Variants in AGBL1 observed in about 807,000 individuals in gnomAD.
AGBL1 encodes the protein AGBL carboxypeptidase 1, also known as cytosolic carboxypeptidase 4.
In AGBL1, 130 loss-of-function variants were observed where a neutral mutation model predicts 118.9. The ratio of observed to expected loss-of-function variants is 1.09; its 90% CI spans 0.95 to 1.26. The LOEUF is 1.26. Among genes scored for constraint, AGBL1 ranks in the 50% most tolerant of loss-of-function variants. AGBL1 has a pLI of 0.00. For synonymous variants in AGBL1, 555 were observed against 478.9 expected, an observed-to-expected ratio of 1.16 and a Z score of -2.08; for missense variants, 1,584 against 1,298.1, an observed-to-expected ratio of 1.22 and a Z score of -3.38.
intron 18 of AGBL1, among the ~76,000 whole-genome samples, chr15:86,481,913 T>C (rs1016161095): frequency 2.0e-5 from 3 of 152,142 alleles, no homozygotes; most frequent in African/African-American, 7.2e-5. Flanking sequence ...TCATTTAATA[T>C]AGCTGAGAAG....
chr15:87,009,521 A>G (rs1249371624), intron 24 of AGBL1, among the ~76,000 whole-genome samples: 1 of 152,226 alleles, frequency 6.6e-6, no homozygotes, highest in Non-Finnish European at 1.5e-5. Flanking sequence ...GCCCCCACAC[A>G]GAGTCCCCAC....
intron 21 of AGBL1, among the ~76,000 whole-genome samples, chr15:86,642,759 C>T (rs749925980): frequency 6.6e-6 from 1 of 152,068 alleles, no homozygotes; most frequent in Non-Finnish European, 1.5e-5. Context: ...TCTATGTTCG[C>T]AATTTCATTT....
At position 86,717,048 on chromosome 15, in the gene AGBL1, T is replaced by A. The variant is rs2086649262; in HGVS notation, c.3158+42612T>A. Among the ~76,000 whole-genome samples the A allele has an allele frequency of 2.6e-5, 4 of 152,242 alleles. No individual in the cohort carries two copies. In the South Asian group the frequency reaches 8.3e-4, roughly 32 times the overall value. Reference sequence around the variant, plus strand: ...ATCCACATGAAGTGCTTCAGGCAATTGCCTGGTATATGGTAAGTGCTCAAA... The same window carrying A: ...ATCCACATGAAGTGCTTCAGGCAATAGCCTGGTATATGGTAAGTGCTCAAA... On this transcript the variant is annotated intron_variant, in intron 22 of 22. Transcript: ENST00000614907.
intron 22 of AGBL1, among the ~76,000 whole-genome samples, chr15:86,785,371 T>TG (rs200066654): frequency 0.043 from 6,201 of 143,944 alleles, 347 homozygotes; most frequent in East Asian, 0.13. Flanking sequence ...TTTTTTTTTT[T>TG]TTTTTTTGTT....
intron 22 of AGBL1, among the ~76,000 whole-genome samples, chr15:86,759,035 A>G (rs2077985194): frequency 6.6e-6 from 1 of 151,850 alleles, no homozygotes; most frequent in Non-Finnish European, 1.5e-5. Flanking sequence ...AGTAGAGAGC[A>G]TGATTATACT....
chr15:86,949,339 A>C (rs1276402614), intron 23 of AGBL1, among the ~76,000 whole-genome samples: 2 of 152,172 alleles, frequency 1.3e-5, no homozygotes, highest in Non-Finnish European at 2.9e-5. Flanking sequence ...CTAAGATCCC[A>C]GAAAGAAGAA....
At chr15:86,389,952 C>G (rs114096080) in intron 17 of AGBL1, among the ~76,000 whole-genome samples, 1,636 of 152,070 alleles carry the variant, frequency 0.011, 34 homozygotes, top group African/African-American at 0.038. Flanking sequence ...GAAATTTTGA[C>G]TAAATGCTTC....
intron 22 of AGBL1, among the ~76,000 whole-genome samples, chr15:86,767,669 T>C (rs1195751219): frequency 6.6e-6 from 1 of 151,976 alleles, no homozygotes; most frequent in Non-Finnish European, 1.5e-5. Context: ...TCCTATCTTA[T>C]AGTAGAGAAA....
intron 1 of AGBL1, chr15:86,105,027 G>A (rs1329869500): frequency 6.6e-6 from 1 of 152,192 alleles, no homozygotes; most frequent in Non-Finnish European, 1.5e-5. Context: ...AAAGATGCCT[G>A]ATTTCCCTCT....
Position 86,889,137 on chromosome 15 carries a change from C to CCATGCCAT in AGBL1, c.3159-17949_3159-17942dup, listed in dbSNP as rs1320902368. 3.3e-5 allele frequency among the ~76,000 whole-genome samples: 5 copies of CCATGCCAT among 151,978 alleles called. No homozygotes were observed. In the South Asian group the frequency reaches 1.0e-3, roughly 32 times the overall value. On this transcript the variant is annotated intron_variant, in intron 22 of 22. Transcript: ENST00000614907. ...ACTGAAAAGTCATTCCTGACCTTTC[C>CCATGCCAT]CATGCCATAGTTTATCCTTATGTGG...
chr15:87,015,621 G>T (rs1360166318), intron 24 of AGBL1, among the ~76,000 whole-genome samples: 1 of 152,132 alleles, frequency 6.6e-6, no homozygotes, highest in Non-Finnish European at 1.5e-5. Flanking sequence ...TTAGTGGAGG[G>T]AAACAGATGT....
chr15:86,324,552 T>C (rs75196490), intron 17 of AGBL1, among the ~76,000 whole-genome samples: 18,115 of 152,242 alleles, frequency 0.12, 1,152 homozygotes, highest in Admixed American at 0.16. Context: ...CAATTTGTAT[T>C]GGCATCTACT....
chr15:86,632,075 G>T (rs1001763023), intron 21 of AGBL1, among the ~76,000 whole-genome samples: 1 of 150,902 alleles, frequency 6.6e-6, no homozygotes, highest in African/African-American at 2.4e-5. Context: ...GGCAGTCTGC[G>T]CAAGCCTAGG....
At chr15:86,209,418 T>C (rs1266097066) in intron 5 of AGBL1, among the ~76,000 whole-genome samples, 1 of 152,224 alleles carries the variant, frequency 6.6e-6, no homozygotes, top group African/African-American at 2.4e-5. Context: ...CAGTGGAGTG[T>C]TAAAGTCTCC....
chr15:86,173,438 T>C (rs1019505703), intron 5 of AGBL1, among the ~76,000 whole-genome samples: 6 of 152,182 alleles, frequency 3.9e-5, no homozygotes, highest in Non-Finnish European at 7.4e-5. Context: ...CAGAAGCTTT[T>C]TCGTTTAATG....
Position 86,460,686 on chromosome 15 carries a change from A to T in AGBL1, c.2556-62124A>T, listed in dbSNP as rs190321989. On this transcript the variant is annotated intron_variant, in intron 18 of 22. Coordinates refer to ENST00000614907, the MANE Select transcript of AGBL1 (RefSeq NM_001386094.1). Reference sequence around the variant, plus strand: ...CCTTACCATCAGAGAAGTCAGAGATACTCTGCCAAGGCAAAGAAGATGAAG... The same window carrying T: ...CCTTACCATCAGAGAAGTCAGAGATTCTCTGCCAAGGCAAAGAAGATGAAG... Among the ~76,000 whole-genome samples the T allele has an allele frequency of 1.8e-3, 270 of 152,272 alleles. 2 individuals carry two copies. The highest frequency in any genetic ancestry group is 5.6e-3 in the African/African-American group (233 of 41,548).
intron 22 of AGBL1, among the ~76,000 whole-genome samples, chr15:86,807,752 C>G (rs1481085350): frequency 6.6e-6 from 1 of 152,090 alleles, no homozygotes; most frequent in Non-Finnish European, 1.5e-5. Context: ...ATGACTTGGC[C>G]TCTCTGAATT....
At position 86,411,135 on chromosome 15, in the gene AGBL1, G is replaced by C. The variant is rs76950252; in HGVS notation, c.2555+13589G>C. 9.9e-3 allele frequency among the ~76,000 whole-genome samples: 1,492 copies of C among 151,198 alleles called. 33 individuals carry two copies. Among genetic ancestry groups the C allele is most frequent in the African/African-American group, 0.033 (1,343 of 41,126 alleles). On this transcript the variant is annotated intron_variant, in intron 18 of 22. Transcript: ENST00000614907. ...GATTTAACTGGCACCTTGGAATGGA[G>C]AAAAACCCTGGCTTCTTGCCTTCAG...
In AGBL1 at chr15:86,967,415, G is replaced by C. The variant is rs1388881730; in HGVS notation, c.3222-20572G>C. Among the ~76,000 whole-genome samples the C allele has an allele frequency of 5.9e-5, 9 of 152,178 alleles. No homozygotes were observed. The South Asian group carries it at 8.3e-4, about 14-fold the overall frequency. ...AAGTCCTTGCCCATGCCTATGTCCT[G>C]AATGGTATTGCCTAGGTTTTCTTCT... On this transcript the variant is annotated intron_variant, in intron 23 of 24. Transcript: ENST00000441037.
Sources: gnomAD v4.1 joint callset for allele counts (sites outside exome capture counted in the v4.1 genomes callset) on GRCh38, gnomAD v4.1.1 for gene constraint, MANE v1.5 for transcripts, NCBI Gene and HGNC (gene_info 2026-07-23, HGNC 2026-07-21) for gene names.